Variants in DSCAM observed in about 807,000 individuals in gnomAD.
The protein encoded by DSCAM is DS cell adhesion molecule.
DSCAM carries 47 observed loss-of-function variants against 217.7 expected under a neutral mutation model. That is an observed-to-expected ratio of 0.22 (90% CI 0.17 to 0.28). The LOEUF is 0.28. Among genes scored for constraint, DSCAM ranks in the 10% least tolerant of loss-of-function variants. The probability of loss-of-function intolerance (pLI) is 1.00; values close to 1 mark genes in which losing one functional copy is unlikely to be tolerated. For missense variants in DSCAM, 2,080 were observed against 2,618.3 expected (o/e 0.79, Z 4.49); for synonymous variants, 1,056 against 1,015.3 (o/e 1.04, Z -0.76).
intron 32 of DSCAM, among the ~76,000 whole-genome samples, chr21:40,041,682 G>A (rs1255299856): frequency 6.6e-6 from 1 of 152,104 alleles, no homozygotes; most frequent in African/African-American, 2.4e-5. Context: ...ACGATTCACA[G>A]GTGTTCAAGT....
intron 18 of DSCAM, among the ~76,000 whole-genome samples, chr21:40,137,642 CACAT>C (rs5844002): frequency 0.14 from 13,244 of 93,140 alleles, 739 homozygotes; most frequent in Non-Finnish European, 0.18. Flanking sequence ...CACACACACA[CACAT>C]TAACTGAAGT....
Position 40,215,335 on chromosome 21 carries a change from T to A in DSCAM, c.2357-26097A>T, listed in dbSNP as rs553108788. Among the ~76,000 whole-genome samples the A allele has an allele frequency of 5.0e-5, 7 of 141,012 alleles. No individual in the cohort carries two copies. In the South Asian group the frequency reaches 1.7e-3, roughly 34 times the overall value. The allele number at this position is 141,012 out of a possible 152,430, so 92.5% of individuals were successfully genotyped here. A position where few individuals can be genotyped will look rare whatever the true frequency, so the allele number is the denominator to read the frequency against. Reference sequence around the variant, plus strand: ...AAGAAAATGTGGTTCATACACAACTTACCCATGTAAAAAACCTGTACGTGT... The same window carrying A: ...AAGAAAATGTGGTTCATACACAACTAACCCATGTAAAAAACCTGTACGTGT... On this transcript the variant is annotated intron_variant, in intron 11 of 32. Coordinates refer to ENST00000400454, the MANE Select transcript of DSCAM (RefSeq NM_001389.5).
intron 3 of DSCAM, among the ~76,000 whole-genome samples, chr21:40,518,067 G>A (rs2076317650): frequency 2.0e-5 from 3 of 151,846 alleles, no homozygotes; most frequent in African/African-American, 7.2e-5. Context: ...TGGGTCCAGG[G>A]ACACAGGGGA....
chr21:40,367,313 G>T (rs571837373), intron 4 of DSCAM, among the ~76,000 whole-genome samples: 42 of 152,242 alleles, frequency 2.8e-4, no homozygotes, highest in African/African-American at 9.6e-4. Context: ...TCTGCTGCTG[G>T]TCCTGTTGTT....
intron 3 of DSCAM, among the ~76,000 whole-genome samples, chr21:40,428,285 T>C (rs1159596638): frequency 2.4e-5 from 3 of 127,212 alleles, no homozygotes; most frequent in Non-Finnish European, 5.1e-5. Flanking sequence ...TGTGTGTGTG[T>C]GTGTGATGGA....
At chr21:40,825,458 C>T (rs1008453354) in intron 1 of DSCAM, among the ~76,000 whole-genome samples, 20 of 152,042 alleles carry the variant, frequency 1.3e-4, no homozygotes, top group African/African-American at 4.6e-4. Context: ...GCTGGAATTA[C>T]AGGCACTTAC....
rs868761318 is a variant in DSCAM at position 40,175,813 on chromosome 21, A to G, written c.2947+3114T>C. ...CACACACACACACACACACACGCACACACACACACACGCACACACACATAC... is the reference window on the plus strand; with the variant it reads ...CACACACACACACACACACACGCACGCACACACACACGCACACACACATAC... On this transcript the variant is annotated intron_variant, in intron 15 of 32. Transcript: ENST00000400454. 1.8e-3 allele frequency among the ~76,000 whole-genome samples: 247 copies of G among 140,806 alleles called. 3 individuals carry two copies. The highest frequency in any genetic ancestry group is 0.011 in the South Asian group (49 of 4,514). The allele number at this position is 140,806 out of a possible 152,430, so 92.4% of individuals were successfully genotyped here. A position where few individuals can be genotyped will look rare whatever the true frequency, so the allele number is the denominator to read the frequency against.
At chr21:40,242,908 C>G (rs1307983901) in intron 11 of DSCAM, among the ~76,000 whole-genome samples, 1 of 152,226 alleles carries the variant, frequency 6.6e-6, no homozygotes, top group Non-Finnish European at 1.5e-5. Context: ...TCATTTCCAC[C>G]TCACGTACAG....
At chr21:40,618,246 C>T (rs2089430953) in intron 3 of DSCAM, among the ~76,000 whole-genome samples, 1 of 152,058 alleles carries the variant, frequency 6.6e-6, no homozygotes, top group African/African-American at 2.4e-5. Flanking sequence ...AAAATCCAAA[C>T]GAAGAAGGAA....
At chr21:40,718,148 A>G (rs537179982) in intron 1 of DSCAM, among the ~76,000 whole-genome samples, 5 of 152,358 alleles carry the variant, frequency 3.3e-5, no homozygotes, top group South Asian at 4.1e-4. Context: ...CACTATTACA[A>G]AGAGAGCCTA....
At chr21:40,780,423 G>GTGTATATATATATATATA (rs1007015659) in intron 1 of DSCAM, among the ~76,000 whole-genome samples, 20 of 56,426 alleles carry the variant, frequency 3.5e-4, no homozygotes, top group South Asian at 1.3e-3. Flanking sequence ...GTGTGTGTGT[G>GTGTATATATATATATATA]TATATATATA....
intron 14 of DSCAM, among the ~76,000 whole-genome samples, chr21:40,184,767 C>T (rs1377501549): frequency 2.0e-5 from 3 of 151,980 alleles, no homozygotes; most frequent in Non-Finnish European, 2.9e-5. Context: ...CACAGAGAAC[C>T]AGAGTCCCTG....
At position 40,082,774 on chromosome 21, in the gene DSCAM, G is replaced by T. The variant is rs549393608; in HGVS notation, c.4231+1134C>A. Among the ~76,000 whole-genome samples, 3 of 152,086 alleles carry T rather than the reference G, an allele frequency of 2.0e-5. No homozygotes were observed. In the South Asian group the frequency reaches 6.2e-4, roughly 32 times the overall value. On this transcript the variant is annotated intron_variant, in intron 24 of 32. Transcript: ENST00000400454. Reference sequence around the variant, plus strand: ...TGTTTAACAACTGGTTCTTGGAGAGGAGAAAAAAGGCTCTGATTTGTAGCA... The same window carrying T: ...TGTTTAACAACTGGTTCTTGGAGAGTAGAAAAAAGGCTCTGATTTGTAGCA...
chr21:40,058,656 C>T (rs2837406), intron 28 of DSCAM, among the ~76,000 whole-genome samples: 36,754 of 152,114 alleles, frequency 0.24, 4,577 homozygotes, highest in African/African-American at 0.28. Context: ...TAAAAGGTCA[C>T]TGGATTCCAA....
rs553455431 is a variant in DSCAM at position 40,443,025 on chromosome 21, G to A, written c.509-73780C>T. Among the ~76,000 whole-genome samples, 5 of 152,268 alleles carry A rather than the reference G, an allele frequency of 3.3e-5. No homozygotes were observed. The South Asian group carries it at 6.2e-4, about 19-fold the overall frequency. On this transcript the variant is annotated intron_variant, in intron 3 of 32. Transcript: ENST00000400454. ...ATAAAGTATTAGATGATAAGTTCCC[G>A]AGATGCAGAAATCACCACTACAGAT... is the stretch of plus-strand genomic sequence containing the variant.
chr21:40,289,954 G>A (rs1033073070), intron 10 of DSCAM, among the ~76,000 whole-genome samples: 3 of 152,190 alleles, frequency 2.0e-5, no homozygotes, highest in Non-Finnish European at 4.4e-5. Flanking sequence ...GGCAGAGCTG[G>A]AGAGAAAGAA....
At chr21:40,784,145 T>G (rs2091572041) in intron 1 of DSCAM, among the ~76,000 whole-genome samples, 2 of 152,098 alleles carry the variant, frequency 1.3e-5, no homozygotes, top group Non-Finnish European at 2.9e-5. Flanking sequence ...TGTGATATGG[T>G]TCTGCTCTGT....
chr21:40,047,564 TGA>T (rs545244527), intron 30 of DSCAM, among the ~76,000 whole-genome samples: 1 of 152,196 alleles, frequency 6.6e-6, no homozygotes, highest in Non-Finnish European at 1.5e-5. Flanking sequence ...GAGTTTGGGA[TGA>T]GAGAGGATTT....
At chr21:40,546,382 C>T (rs558760984) in intron 3 of DSCAM, among the ~76,000 whole-genome samples, 44 of 152,330 alleles carry the variant, frequency 2.9e-4, no homozygotes, top group South Asian at 1.9e-3. Flanking sequence ...CCAAAGCAAA[C>T]GGCAAAGTGG....
Sources: gnomAD v4.1 joint callset for allele counts (sites outside exome capture counted in the v4.1 genomes callset) on GRCh38, gnomAD v4.1.1 for gene constraint, MANE v1.5 for transcripts, NCBI Gene and HGNC (gene_info 2026-07-23, HGNC 2026-07-21) for gene names.